SUMF1: variants seen among roughly 807,000 people sequenced by gnomAD.
SUMF1 encodes formylglycine-generating enzyme.
Under a neutral mutation model 47.6 loss-of-function variants are expected in SUMF1, and 48 were observed. The ratio of observed to expected loss-of-function variants is 1.01; its 90% CI spans 0.80 to 1.28. SUMF1 has a LOEUF of 1.28. SUMF1 is among the 50% of genes most tolerant of loss of function. SUMF1 has a pLI of 0.00. For missense variants in SUMF1, 571 were observed against 485.4 expected, an observed-to-expected ratio of 1.18 and a Z score of -1.66; for synonymous variants, 230 against 192.1, an observed-to-expected ratio of 1.20 and a Z score of -1.63.
At chr3:4,290,246 T>A (rs551787648) in intron 8 of SUMF1, among the ~76,000 whole-genome samples, 18 of 147,652 alleles carry the variant, frequency 1.2e-4, no homozygotes, top group Non-Finnish European at 2.5e-4. Flanking sequence ...TATGTACTCG[T>A]TATAACTTGA....
intron 8 of SUMF1, chr3:4,303,957 C>T (rs773977703): frequency 2.1e-6 from 2 of 931,176 alleles, no homozygotes; most frequent in Non-Finnish European, 2.8e-6. Context: ...TGTGGTCTCC[C>T]TCACGCTGTG....
intron 8 of SUMF1, among the ~76,000 whole-genome samples, chr3:4,192,965 C>T (rs1048582658): frequency 1.3e-5 from 2 of 152,100 alleles, no homozygotes; most frequent in East Asian, 1.9e-4. Context: ...ATTTAATACA[C>T]ATTAGCTATT....
chr3:4,440,478 A>T (rs529163616), intron 3 of SUMF1, among the ~76,000 whole-genome samples: 2 of 152,296 alleles, frequency 1.3e-5, no homozygotes, highest in South Asian at 4.1e-4. Context: ...ACATTCAGGT[A>T]ACTGGATCGC....
chr3:4,318,684 G>T (rs1449893836), intron 8 of SUMF1, among the ~76,000 whole-genome samples: 3 of 152,186 alleles, frequency 2.0e-5, no homozygotes, highest in Admixed American at 1.3e-4. Flanking sequence ...AAAGCAGACA[G>T]ATCACCTGAG....
At chr3:4,258,813 C>T (rs1232967462) in intron 8 of SUMF1, among the ~76,000 whole-genome samples, 3 of 137,580 alleles carry the variant, frequency 2.2e-5, no homozygotes, top group African/African-American at 8.1e-5. Context: ...CACATGCACA[C>T]ATATGTTTAT....
intron 8 of SUMF1, among the ~76,000 whole-genome samples, chr3:4,152,829 G>A (rs751628624): frequency 2.6e-5 from 4 of 151,366 alleles, no homozygotes; most frequent in South Asian, 2.1e-4. Context: ...CTCCAAAAGC[G>A]CTATTGAGTA....
chr3:4,201,722 G>A (rs1160668119), intron 8 of SUMF1, among the ~76,000 whole-genome samples: 2 of 152,006 alleles, frequency 1.3e-5, no homozygotes, highest in African/African-American at 4.8e-5. Context: ...CTTCCATACT[G>A]TTTTTCATAG....
In SUMF1 at chr3:4,071,887, C is replaced by G. The variant is rs1415444951; in HGVS notation, c.1015-3142G>C. Among the ~76,000 whole-genome samples, 3 of 152,212 alleles carry G rather than the reference C, an allele frequency of 2.0e-5. No individual in the cohort carries two copies. The East Asian group carries it at 5.8e-4, about 29-fold the overall frequency. ...GCACAGCTTCTGCAGACTTAAACAT[C>G]CCTGCCTCACAGCTCTGAAGAGCAG... On this transcript the variant is annotated intron_variant and NMD_transcript_variant, in intron 8 of 12. Coordinates refer to the SUMF1 transcript ENST00000448413.
At chr3:4,417,571 C>G (rs754014664) in intron 5 of SUMF1, among the ~76,000 whole-genome samples, 1 of 152,192 alleles carries the variant, frequency 6.6e-6, no homozygotes, top group Non-Finnish European at 1.5e-5. Flanking sequence ...CACCACCACA[C>G]CACACTTTTT....
At chr3:4,254,049 G>C (rs966573132) in intron 8 of SUMF1, among the ~76,000 whole-genome samples, 6 of 151,182 alleles carry the variant, frequency 4.0e-5, no homozygotes, top group African/African-American at 1.2e-4. Context: ...TGCAGCTGAG[G>C]GTCCTGTCTG....
At chr3:4,161,279 A>C (rs756619503) in intron 8 of SUMF1, among the ~76,000 whole-genome samples, 1 of 152,146 alleles carries the variant, frequency 6.6e-6, no homozygotes, top group African/African-American at 2.4e-5. Context: ...CAGACACAGC[A>C]CTGGATCTTG....
In SUMF1 at chr3:4,307,532, C is replaced by G. The variant is rs111810746; in HGVS notation, c.1014+68798G>C. 3.1e-3 allele frequency among the ~76,000 whole-genome samples: 469 copies of G among 152,288 alleles called. 6 individuals are homozygous for G. Among genetic ancestry groups the G allele is most frequent in the African/African-American group, 0.011 (448 of 41,548 alleles). Reference sequence around the variant, plus strand: ...AGTTCAGAGAAGAAAGAAATTGTTGCAGACAGGAATAGCCAAGACAAGAGT... The same window carrying G: ...AGTTCAGAGAAGAAAGAAATTGTTGGAGACAGGAATAGCCAAGACAAGAGT... On this transcript the variant is annotated intron_variant and NMD_transcript_variant, in intron 8 of 12. Coordinates refer to the SUMF1 transcript ENST00000448413.
At position 4,364,222 on chromosome 3, in the gene SUMF1, G is replaced by A. The variant is rs1020633923; in HGVS notation, c.1015-1968C>T. ...AGTCTCTGCCCGGCTTTGGTATCAGGATGATGCTGGCCTCATCAAATGAGT... is the reference window on the plus strand; with the variant it reads ...AGTCTCTGCCCGGCTTTGGTATCAGAATGATGCTGGCCTCATCAAATGAGT... On this transcript the variant is annotated intron_variant, in intron 8 of 8. Transcript: ENST00000272902. Among the ~76,000 whole-genome samples the A allele has an allele frequency of 5.4e-5, 7 of 129,960 alleles. 1 individual carries two copies. Among genetic ancestry groups the A allele is most frequent in the Non-Finnish European group, 1.0e-4 (6 of 57,642 alleles). The allele number at this position is 129,960 out of a possible 152,430, so 85.3% of individuals were successfully genotyped here.
intron 7 of SUMF1, among the ~76,000 whole-genome samples, chr3:4,400,617 G>A (rs1005756109): frequency 1.3e-5 from 2 of 152,210 alleles, no homozygotes; most frequent in African/African-American, 4.8e-5. Context: ...CTTAGAAACC[G>A]TAATCTGCTC....
chr3:4,307,307 C>T (rs187815429), intron 8 of SUMF1, among the ~76,000 whole-genome samples: 1 of 152,332 alleles, frequency 6.6e-6, no homozygotes, highest in East Asian at 1.9e-4. Context: ...GCTTCTTGAG[C>T]ACCTGCTGTG....
chr3:4,264,907 G>C (rs1422578350), intron 8 of SUMF1, among the ~76,000 whole-genome samples: 2 of 152,150 alleles, frequency 1.3e-5, no homozygotes, highest in Non-Finnish European at 2.9e-5. Flanking sequence ...GCCAAGGCAG[G>C]TGGATCATCT....
intron 8 of SUMF1, among the ~76,000 whole-genome samples, chr3:4,294,722 C>G (rs1304945873): frequency 1.3e-5 from 2 of 152,066 alleles, no homozygotes; most frequent in East Asian, 3.8e-4. Flanking sequence ...TAAAACATAT[C>G]TGTGTTTACC....
chr3:4,061,116 T>A (rs1425126892), intron 9 of SUMF1, among the ~76,000 whole-genome samples: 2 of 152,184 alleles, frequency 1.3e-5, no homozygotes, highest in Non-Finnish European at 2.9e-5. Flanking sequence ...GAGCAAAGAA[T>A]AATTTGAGAA....
chr3:4,205,239 G>A (rs905106779), intron 8 of SUMF1, among the ~76,000 whole-genome samples: 5 of 152,106 alleles, frequency 3.3e-5, no homozygotes, highest in African/African-American at 1.2e-4. Flanking sequence ...CCTTGAGAAT[G>A]TACTTTGTGA....
Sources: allele counts gnomAD v4.1 joint callset (sites outside exome capture counted in the v4.1 genomes callset), GRCh38; gene constraint gnomAD v4.1.1; transcripts MANE v1.5; gene names NCBI Gene and HGNC (gene_info 2026-07-23, HGNC 2026-07-21).